NDST3: variants seen among roughly 807,000 people sequenced by gnomAD.
NDST3 encodes N-deacetylase and N-sulfotransferase 3.
NDST3 carries 58 observed loss-of-function variants against 96.1 expected under a neutral mutation model. The observed-to-expected ratio is 0.60, with a 90% confidence interval of 0.49 to 0.75. The LOEUF (loss-of-function observed/expected upper bound fraction) is 0.75. Among genes scored for constraint, NDST3 ranks in the 30% least tolerant of loss-of-function variants. The probability of loss-of-function intolerance (pLI) is 0.00; values close to 1 mark genes in which losing one functional copy is unlikely to be tolerated. For missense variants in NDST3, 788 were observed against 1,034.2 expected (o/e 0.76, Z 3.27); for synonymous variants, 333 against 359.7 (o/e 0.93, Z 0.84).
intron 8 of NDST3, among the ~76,000 whole-genome samples, chr4:118,228,482 T>C (rs1317614069): frequency 6.6e-6 from 1 of 152,192 alleles, no homozygotes; most frequent in East Asian, 1.9e-4. Context: ...TTAAACTGAA[T>C]TGGGTTTCCA....
At chr4:118,124,774 G>A (rs1031033897) in intron 4 of NDST3, among the ~76,000 whole-genome samples, 3 of 152,040 alleles carry the variant, frequency 2.0e-5, no homozygotes, top group Admixed American at 6.6e-5. Context: ...GAGTGATAAG[G>A]TGACACTTCT....
rs773477947 is a variant in NDST3, at chr4:118,034,508, G to T, written c.-240G>T. On this transcript the variant is annotated 5_prime_UTR_variant, in exon 1 of 14. Coordinates refer to ENST00000296499, the MANE Select transcript of NDST3 (RefSeq NM_004784.3). Reference sequence around the variant, plus strand: ...CTTGTAAAGTCAAAAAGCCTGAGCCGATGGTAACGAGTGGTACTGTTTCCG... The same window carrying T: ...CTTGTAAAGTCAAAAAGCCTGAGCCTATGGTAACGAGTGGTACTGTTTCCG... The T allele has an allele frequency of 6.6e-6, 1 of 152,176 alleles. No homozygotes were observed. The highest frequency in any genetic ancestry group is 1.5e-5 in the Non-Finnish European group (1 of 68,044). The allele number at this position is 152,176 out of a possible 1,614,324, so 9.4% of individuals were successfully genotyped here.
intron 6 of NDST3, among the ~76,000 whole-genome samples, chr4:118,149,182 G>A (rs1368734702): frequency 6.6e-6 from 1 of 152,098 alleles, no homozygotes; most frequent in Non-Finnish European, 1.5e-5. Context: ...TTGAAGTCAG[G>A]CAGCGTGGTT....
chr4:118,056,661 C>G (rs1164622563), intron 2 of NDST3, among the ~76,000 whole-genome samples: 3 of 151,922 alleles, frequency 2.0e-5, no homozygotes, highest in African/African-American at 7.2e-5. Context: ...TTGGAACTTA[C>G]AGATAGAATC....
intron 12 of NDST3, among the ~76,000 whole-genome samples, chr4:118,244,247 C>T (rs914897650): frequency 6.6e-6 from 1 of 152,164 alleles, no homozygotes; most frequent in Admixed American, 6.6e-5. Context: ...TCACCCTATG[C>T]CCTTTGTAGT....
intron 6 of NDST3, among the ~76,000 whole-genome samples, chr4:118,210,837 G>A (rs1738743764): frequency 6.6e-6 from 1 of 151,820 alleles, no homozygotes; most frequent in Non-Finnish European, 1.5e-5. Context: ...AAAGACTAGG[G>A]GAGTCACTGG....
chr4:118,168,737 G>A (rs936040062), intron 6 of NDST3, among the ~76,000 whole-genome samples: 1 of 152,008 alleles, frequency 6.6e-6, no homozygotes, highest in East Asian at 1.9e-4. Flanking sequence ...TCCATCAATC[G>A]GCAAACGGGT....
intron 6 of NDST3, among the ~76,000 whole-genome samples, chr4:118,154,207 T>C (rs1478112519): frequency 1.3e-5 from 2 of 152,224 alleles, no homozygotes; most frequent in African/African-American, 2.4e-5. Context: ...TTCTATTTAC[T>C]CAGTTCCAAT....
intron 6 of NDST3, among the ~76,000 whole-genome samples, chr4:118,192,809 G>C (rs978592822): frequency 1.3e-5 from 2 of 152,150 alleles, no homozygotes; most frequent in African/African-American, 4.8e-5. Context: ...AGAGGCTGAG[G>C]GGGTTTGGGG....
intron 12 of NDST3, among the ~76,000 whole-genome samples, chr4:118,252,987 T>C (rs893586120): frequency 1.3e-5 from 2 of 152,120 alleles, no homozygotes; most frequent in African/African-American, 2.4e-5. Flanking sequence ...CTGAAAAAAA[T>C]TAAATGGATT....
intron 6 of NDST3, among the ~76,000 whole-genome samples, chr4:118,143,980 C>G (rs1242248613): frequency 6.6e-6 from 1 of 150,500 alleles, no homozygotes; most frequent in Non-Finnish European, 1.5e-5. Context: ...ACCTGTAAAA[C>G]TCTCCTATTT....
At chr4:118,216,418 T>C (rs1739198302) in intron 6 of NDST3, among the ~76,000 whole-genome samples, 1 of 152,150 alleles carries the variant, frequency 6.6e-6, no homozygotes, top group African/African-American at 2.4e-5. Context: ...GCAATTACTA[T>C]GTGGCAGGCA....
chr4:118,184,602 T>TCTACAC (rs1553941346), intron 6 of NDST3, among the ~76,000 whole-genome samples: 14 of 138,580 alleles, frequency 1.0e-4, no homozygotes, highest in African/African-American at 2.7e-4. Flanking sequence ...TCTCTCTCTC[T>TCTACAC]ACACACACAC....
chr4:118,114,718 T>A, intron 3 of NDST3, 88 bp from the exon 4 acceptor site: 1 of 1,382,236 alleles, frequency 7.2e-7, no homozygotes. Flanking sequence ...TAAATACATA[T>A]ACGAGAAAAG....
chr4:118,114,944 AC>A lies in NDST3; in HGVS notation c.1209del (p.Asn403LysfsTer6). ...TCTTTGGTGGAGCAGATGATTCTCA[AC>A]AAAAAATTTGCCTTAGTAAGTAACT... ...ESSLVEQMIL[N>X]KKFALEHGIP... On this transcript the variant is annotated frameshift_variant, in exon 4 of 14. Coordinates refer to ENST00000296499, the MANE Select transcript of NDST3 (RefSeq NM_004784.3). LOFTEE classifies it high-confidence loss of function. The A allele has an allele frequency of 6.2e-7, 1 of 1,614,116 alleles. No individual in the cohort carries two copies. Among genetic ancestry groups the A allele is most frequent in the Non-Finnish European group, 8.5e-7 (1 of 1,179,972 alleles).
At chr4:118,160,776 T>C (rs796616633) in intron 6 of NDST3, among the ~76,000 whole-genome samples, 5 of 152,300 alleles carry the variant, frequency 3.3e-5, no homozygotes, top group African/African-American at 7.2e-5. Flanking sequence ...TTCGTCTAAA[T>C]TTTTTTCAAA....
At chr4:118,170,438 A>G (rs10001247) in intron 6 of NDST3, among the ~76,000 whole-genome samples, 12,214 of 152,268 alleles carry the variant, frequency 0.08, 1,124 homozygotes, top group African/African-American at 0.23. Context: ...ACCGGGCACC[A>G]TGGCTCACGC....
At chr4:118,130,226 T>C (rs4834664) in intron 4 of NDST3, among the ~76,000 whole-genome samples, 120,377 of 151,932 alleles carry the variant, frequency 0.79, 50,145 homozygotes, top group South Asian at 0.92. Flanking sequence ...CCTGCCACTT[T>C]GTTATTTGTT....
At chr4:118,037,382 T>C (rs1484567811) in intron 1 of NDST3, among the ~76,000 whole-genome samples, 1 of 152,182 alleles carries the variant, frequency 6.6e-6, no homozygotes, top group African/African-American at 2.4e-5. Context: ...TTAAGGTAAA[T>C]ATTATTCCTG....
Sources: gnomAD v4.1 joint callset for allele counts (sites outside exome capture counted in the v4.1 genomes callset) on GRCh38, gnomAD v4.1.1 for gene constraint, MANE v1.5 for transcripts, NCBI Gene and HGNC (gene_info 2026-07-23, HGNC 2026-07-21) for gene names.